Variants in PPP3CC observed in about 807,000 individuals in gnomAD.
PPP3CC encodes the protein protein phosphatase 3 catalytic subunit gamma, also known as serine/threonine-protein phosphatase 2B catalytic subunit gamma isoform.
In PPP3CC, 35 loss-of-function variants were observed where a neutral mutation model predicts 60.3. The ratio of observed to expected loss-of-function variants is 0.58; its 90% CI spans 0.44 to 0.77. PPP3CC has a LOEUF of 0.77. Among genes scored for constraint, PPP3CC ranks in the 30% least tolerant of loss-of-function variants. The pLI, the probability that PPP3CC is intolerant of heterozygous loss-of-function variation, is 0.00. For missense variants in PPP3CC, 570 were observed against 628.9 expected (o/e 0.91, Z 1.00); for synonymous variants, 206 against 224.3 (o/e 0.92, Z 0.73).
intron 1 of PPP3CC, among the ~76,000 whole-genome samples, chr8:22,465,204 G>C (rs923059472): frequency 5.3e-5 from 8 of 152,014 alleles, no homozygotes; most frequent in African/African-American, 1.2e-4. Context: ...CAAGCATTCT[G>C]CCTGGCTCAG....
At chr8:22,456,327 T>C (rs1006406629) in intron 1 of PPP3CC, among the ~76,000 whole-genome samples, 1 of 152,236 alleles carries the variant, frequency 6.6e-6, no homozygotes, top group Non-Finnish European at 1.5e-5. Flanking sequence ...TCAATGTATA[T>C]TGTAGTAGCA....
At chr8:22,495,395 A>G (rs1838538196) in intron 3 of PPP3CC, among the ~76,000 whole-genome samples, 1 of 151,956 alleles carries the variant, frequency 6.6e-6, no homozygotes, top group Non-Finnish European at 1.5e-5. Flanking sequence ...TGTTCCTAAT[A>G]TTTTACTATT....
intron 3 of PPP3CC, among the ~76,000 whole-genome samples, chr8:22,494,719 C>T (rs948517298): frequency 1.2e-4 from 19 of 152,084 alleles, no homozygotes; most frequent in Non-Finnish European, 2.8e-4. Flanking sequence ...CCACCTCAGA[C>T]CAAATAAGGC....
At chr8:22,454,849 A>C (rs935797255) in intron 1 of PPP3CC, among the ~76,000 whole-genome samples, 1 of 151,940 alleles carries the variant, frequency 6.6e-6, no homozygotes, top group African/African-American at 2.4e-5. Context: ...CGGGTGGATC[A>C]TGAGTTCAGG....
At chr8:22,498,854 G>A (rs1203152038) in intron 4 of PPP3CC, among the ~76,000 whole-genome samples, 2 of 152,202 alleles carry the variant, frequency 1.3e-5, no homozygotes, top group Non-Finnish European at 2.9e-5. Context: ...GCCGGGTGCG[G>A]TGGCTCACGC....
chr8:22,480,570 C>T (rs1314300996), intron 3 of PPP3CC, among the ~76,000 whole-genome samples: 1 of 152,156 alleles, frequency 6.6e-6, no homozygotes, highest in South Asian at 2.1e-4. Flanking sequence ...CCTCCGCCTC[C>T]CAGGTTCAAG....
In PPP3CC at chr8:22,527,389, T is replaced by C. The variant is rs772431905; in HGVS notation, c.944-3T>C. 1 of 1,613,860 alleles carries C rather than the reference T, an allele frequency of 6.2e-7. No homozygotes were observed. The highest frequency in any genetic ancestry group is 2.2e-5 in the East Asian group (1 of 44,870). ...CAGATTTTCTTGCTTTTTTCCTTTT[T>C]AGCTGCTGTGTTGAAATATGAAAAC... On this transcript the variant is annotated splice_polypyrimidine_tract_variant and splice_region_variant and intron_variant, in intron 8 of 13. Transcript: ENST00000240139.
intron 3 of PPP3CC, among the ~76,000 whole-genome samples, chr8:22,476,329 T>G (rs759497272): frequency 1.3e-5 from 2 of 152,188 alleles, no homozygotes; most frequent in African/African-American, 2.4e-5. Context: ...AAAAAACTTT[T>G]GAAATAGCGT....
chr8:22,473,263 G>A (rs1195098273), intron 1 of PPP3CC, among the ~76,000 whole-genome samples: 3 of 152,140 alleles, frequency 2.0e-5, no homozygotes, highest in Admixed American at 2.0e-4. Flanking sequence ...ATGGTTTACA[G>A]ACTTGTGGCT....
intron 11 of PPP3CC, 133 bp from the exon 12 acceptor site, chr8:22,532,788 A>G: frequency 1.8e-6 from 1 of 550,022 alleles, no homozygotes; most frequent in South Asian, 2.9e-5. Flanking sequence ...CCTTTCTTTG[A>G]GTCAGGGAAG....
At chr8:22,535,155 A>T (rs145553354) in intron 12 of PPP3CC, among the ~76,000 whole-genome samples, 1 of 152,134 alleles carries the variant, frequency 6.6e-6, no homozygotes, top group Non-Finnish European at 1.5e-5. Context: ...CAGTTTCTCA[A>T]TCAGAGAGGG....
chr8:22,505,321 G>A (rs561817994), intron 4 of PPP3CC, among the ~76,000 whole-genome samples: 3 of 152,136 alleles, frequency 2.0e-5, no homozygotes, highest in South Asian at 2.1e-4. Flanking sequence ...CACCATGCCC[G>A]GCCCTTCCAT....
At chr8:22,513,063 C>T (rs1317237873) in intron 5 of PPP3CC, among the ~76,000 whole-genome samples, 2 of 148,968 alleles carry the variant, frequency 1.3e-5, no homozygotes, top group Non-Finnish European at 1.5e-5. Context: ...GCAATAAGAA[C>T]GAAACTCCGT....
chr8:22,527,109 G>GTTTA (rs1193419410), intron 8 of PPP3CC, among the ~76,000 whole-genome samples: 2 of 152,176 alleles, frequency 1.3e-5, no homozygotes. Flanking sequence ...GGATCTTGAG[G>GTTTA]TTTATATAGA....
intron 1 of PPP3CC, among the ~76,000 whole-genome samples, chr8:22,458,331 C>T (rs1027525821): frequency 2.0e-5 from 3 of 152,030 alleles, no homozygotes; most frequent in African/African-American, 7.2e-5. Flanking sequence ...GGCTCGGTGG[C>T]TCACGCCTGT....
intron 6 of PPP3CC, among the ~76,000 whole-genome samples, chr8:22,517,456 A>T (rs1475982700): frequency 6.6e-6 from 1 of 151,930 alleles, no homozygotes; most frequent in East Asian, 1.9e-4. Flanking sequence ...TTTTTTAATG[A>T]TTAATAGAAT....
At chr8:22,534,304 C>G (rs1300558437) in intron 12 of PPP3CC, among the ~76,000 whole-genome samples, 5 of 151,666 alleles carry the variant, frequency 3.3e-5, no homozygotes, top group Non-Finnish European at 7.4e-5. Flanking sequence ...CACCTGTTAT[C>G]CCAGCACTTT....
At position 22,528,541 on chromosome 8, in the gene PPP3CC, T is replaced by C; in HGVS notation, c.1105T>C (p.Ser369Pro). 1.3e-6 allele frequency: 2 copies of C among 1,567,134 alleles called. No individual in the cohort carries two copies. Among genetic ancestry groups the C allele is most frequent in the Non-Finnish European group, 1.7e-6 (2 of 1,152,810 alleles). Reference protein sequence around the residue: ...EMLVNVLNICSDDELISDDEA... With the variant: ...EMLVNVLNICPDDELISDDEA... Reference sequence around the variant, plus strand: ...GCTGGTAAATGTGCTCAACATATGCTCTGATGACGAACTGATTTCTGATGA... The same window carrying C: ...GCTGGTAAATGTGCTCAACATATGCCCTGATGACGAACTGATTTCTGATGA... The change falls in exon 10 of 14, where the codon TCT (serine) becomes CCT (proline). Residue 369 changes from serine (S) to proline (P), a missense_variant. Transcript: ENST00000240139.
Position 22,475,145 on chromosome 8 carries a change from A to G in PPP3CC, c.241A>G (p.Ile81Val), listed in dbSNP as rs1210980545. ...GACTATGATAGAAGTAGATGCTCCAATCACAGGTATAAAAAGTCTTTGCAT... is the reference window on the plus strand; with the variant it reads ...GACTATGATAGAAGTAGATGCTCCAGTCACAGGTATAAAAAGTCTTTGCAT... ...EKTMIEVDAPITVCGDIHGQF... is the reference protein window; with the variant it reads ...EKTMIEVDAPVTVCGDIHGQF... Residue 81 changes from isoleucine to valine, a missense_variant, in exon 2 of 14, where the codon ATC becomes GTC. Transcript: ENST00000240139. 9.9e-6 allele frequency: 16 copies of G among 1,610,008 alleles called. No individual in the cohort carries two copies. In the Admixed American group the frequency reaches 1.3e-4, roughly 13 times the overall value.
Sources: allele counts gnomAD v4.1 joint callset (sites outside exome capture counted in the v4.1 genomes callset), GRCh38; gene constraint gnomAD v4.1.1; transcripts MANE v1.5; gene names NCBI Gene and HGNC (gene_info 2026-07-23, HGNC 2026-07-21).